DCC: variants seen among roughly 807,000 people sequenced by gnomAD.
The protein encoded by DCC is netrin receptor DCC.
A neutral mutation model predicts 172.5 loss-of-function variants in DCC; 58 were observed. The ratio of observed to expected loss-of-function variants is 0.34; its 90% confidence interval spans 0.27 to 0.42. The LOEUF is 0.42. Ranked by LOEUF, DCC falls within the 10% of genes least tolerant of loss-of-function variation. The probability of loss-of-function intolerance (pLI) is 1.00; values close to 1 mark genes in which losing one functional copy is unlikely to be tolerated. For synonymous variants in DCC, 709 were observed against 644.5 expected (o/e 1.10, Z -1.52); for missense variants, 1,740 against 1,791.0 (o/e 0.97, Z 0.51).
At chr18:52,417,657 A>C (rs766942479) in intron 1 of DCC, among the ~76,000 whole-genome samples, 2 of 151,968 alleles carry the variant, frequency 1.3e-5, no homozygotes, top group Non-Finnish European at 2.9e-5. Flanking sequence ...CTTCCAGTTG[A>C]TTGCATCGGC....
chr18:52,398,750 A>G (rs887889007), intron 1 of DCC, among the ~76,000 whole-genome samples: 2 of 152,010 alleles, frequency 1.3e-5, no homozygotes, highest in Non-Finnish European at 2.9e-5. Context: ...GGATCCATAT[A>G]AGTCTGTTTT....
At chr18:53,100,068 T>G (rs1426713460) in intron 7 of DCC, among the ~76,000 whole-genome samples, 2 of 150,848 alleles carry the variant, frequency 1.3e-5, no homozygotes, top group Non-Finnish European at 2.9e-5. Context: ...TGCATCAGCC[T>G]CCCAAGTAGC....
intron 5 of DCC, among the ~76,000 whole-genome samples, chr18:53,052,059 C>G (rs2042341379): frequency 6.6e-6 from 1 of 151,936 alleles, no homozygotes; most frequent in South Asian, 2.1e-4. Context: ...CATTTACATT[C>G]ACTCTGATGA....
At chr18:53,251,141 A>C (rs1419973880) in intron 12 of DCC, among the ~76,000 whole-genome samples, 1 of 151,886 alleles carries the variant, frequency 6.6e-6, no homozygotes, top group Admixed American at 6.6e-5. Flanking sequence ...GATTATTAGA[A>C]TCTATCATCG....
At chr18:52,871,568 ATCC>A (rs1190653754) in intron 2 of DCC, among the ~76,000 whole-genome samples, 1 of 152,124 alleles carries the variant, frequency 6.6e-6, no homozygotes, top group African/African-American at 2.4e-5. Context: ...GGCTCAAGCC[ATCC>A]TCCTACCTTC....
At chr18:52,484,357 A>G (rs997801142) in intron 1 of DCC, among the ~76,000 whole-genome samples, 47 of 152,126 alleles carry the variant, frequency 3.1e-4, no homozygotes, top group African/African-American at 1.1e-3. Flanking sequence ...CCATTTTATT[A>G]TATCTGTTTT....
At chr18:52,748,579 A>G (rs1231599049) in intron 1 of DCC, among the ~76,000 whole-genome samples, 4 of 152,258 alleles carry the variant, frequency 2.6e-5, no homozygotes, top group African/African-American at 9.6e-5. Context: ...GCCCGGCCCC[A>G]CTGCAGCTTC....
At chr18:52,389,865 G>T (rs1477996802) in intron 1 of DCC, among the ~76,000 whole-genome samples, 1 of 151,972 alleles carries the variant, frequency 6.6e-6, no homozygotes, top group Non-Finnish European at 1.5e-5. Context: ...GATTATTGTT[G>T]ATTGATTCAA....
At chr18:52,629,946 T>G (rs2034643725) in intron 1 of DCC, among the ~76,000 whole-genome samples, 1 of 73,366 alleles carries the variant, frequency 1.4e-5, no homozygotes, top group Non-Finnish European at 2.4e-5. Flanking sequence ...CAAGACTCCG[T>G]CTCAAAAAAA....
chr18:52,867,228 C>T (rs2039242118), intron 2 of DCC, among the ~76,000 whole-genome samples: 1 of 152,196 alleles, frequency 6.6e-6, no homozygotes, highest in South Asian at 2.1e-4. Context: ...AGGGATGAAG[C>T]TGACTTGATC....
chr18:52,701,775 G>C (rs114605019), intron 1 of DCC, among the ~76,000 whole-genome samples: 163 of 152,138 alleles, frequency 1.1e-3, no homozygotes, highest in African/African-American at 3.8e-3. Context: ...GTTCTTCTTT[G>C]ATGTTCTCAC....
intron 2 of DCC, among the ~76,000 whole-genome samples, chr18:52,899,470 C>T (rs1024408050): frequency 6.7e-6 from 1 of 150,012 alleles, no homozygotes; most frequent in African/African-American, 2.4e-5. Flanking sequence ...TCTCCTGCCT[C>T]AGCCTCCCAA....
intron 1 of DCC, among the ~76,000 whole-genome samples, chr18:52,562,313 G>A (rs763488160): frequency 6.6e-6 from 1 of 152,068 alleles, no homozygotes; most frequent in Non-Finnish European, 1.5e-5. Flanking sequence ...CTCCTGAAAC[G>A]GTCTCTTGTT....
chr18:52,993,960 A>G (rs1314569623), intron 5 of DCC, among the ~76,000 whole-genome samples: 1 of 152,104 alleles, frequency 6.6e-6, no homozygotes, highest in Non-Finnish European at 1.5e-5. Context: ...TTGAATGATC[A>G]GGCATTGCAC....
At chr18:53,367,852 C>T (rs1408036401) in intron 15 of DCC, among the ~76,000 whole-genome samples, 1 of 152,106 alleles carries the variant, frequency 6.6e-6, no homozygotes, top group African/African-American at 2.4e-5. Context: ...TGCAACAATG[C>T]CCTCAGAATT....
At chr18:53,178,846 C>T (rs189027546) in intron 8 of DCC, 116 bp from the exon 9 acceptor site, 18 of 995,390 alleles carry the variant, frequency 1.8e-5, no homozygotes, top group African/African-American at 1.6e-4. Flanking sequence ...CCAGAGTCAA[C>T]ATTAGATGAG....
chr18:53,359,975 C>T (rs879350110), intron 15 of DCC, among the ~76,000 whole-genome samples: 3 of 152,058 alleles, frequency 2.0e-5, no homozygotes, highest in Admixed American at 1.3e-4. Context: ...CTTCTTAGGA[C>T]TAGTCATGTC....
At chr18:53,377,473 T>C (rs557958275) in intron 15 of DCC, among the ~76,000 whole-genome samples, 1 of 151,698 alleles carries the variant, frequency 6.6e-6, no homozygotes, top group South Asian at 2.1e-4. Flanking sequence ...ATTAATCCAT[T>C]CATGAGGCCA....
At chr18:52,389,559 T>C (rs1985947607) in intron 1 of DCC, among the ~76,000 whole-genome samples, 1 of 152,148 alleles carries the variant, frequency 6.6e-6, no homozygotes, top group Non-Finnish European at 1.5e-5. Flanking sequence ...TTCTGAATTA[T>C]TGTAATACTT....
Sources: gnomAD v4.1 joint callset for allele counts (sites outside exome capture counted in the v4.1 genomes callset) on GRCh38, gnomAD v4.1.1 for gene constraint, MANE v1.5 for transcripts, NCBI Gene and HGNC (gene_info 2026-07-23, HGNC 2026-07-21) for gene names.